ZNF804B: variants seen among roughly 807,000 people sequenced by gnomAD.
The protein encoded by ZNF804B is zinc finger 804B.
ZNF804B carries 80 observed loss-of-function variants against 101.4 expected under a neutral mutation model. The observed-to-expected ratio is 0.79, with a 90% CI of 0.66 to 0.95. The LOEUF (loss-of-function observed/expected upper bound fraction) is 0.95. Among genes scored for constraint, ZNF804B ranks in the 40% least tolerant of loss-of-function variants. The pLI, the probability that ZNF804B is intolerant of heterozygous loss-of-function variation, is 0.00. For missense variants in ZNF804B, 1,673 were observed against 1,561.9 expected (o/e 1.07, Z -1.20); for synonymous variants, 622 against 558.8 (o/e 1.11, Z -1.59).
chr7:88,814,561 C>A (rs997139960), intron 1 of ZNF804B, among the ~76,000 whole-genome samples: 5 of 151,762 alleles, frequency 3.3e-5, no homozygotes, highest in African/African-American at 4.8e-5. Flanking sequence ...TCAGTTGAGG[C>A]AACTTAGTTC....
chr7:89,175,215 T>G (rs913328664), intron 1 of ZNF804B, among the ~76,000 whole-genome samples: 1 of 152,026 alleles, frequency 6.6e-6, no homozygotes, highest in African/African-American at 2.4e-5. Flanking sequence ...TTGGAGGTCT[T>G]AATTTAAGTC....
At chr7:89,299,180 G>C (rs13312700) in intron 2 of ZNF804B, among the ~76,000 whole-genome samples, 89 of 152,128 alleles carry the variant, frequency 5.9e-4, no homozygotes, top group Non-Finnish European at 1.0e-3. Flanking sequence ...TGAGCAAACT[G>C]TCTGCTTTTC....
intron 1 of ZNF804B, among the ~76,000 whole-genome samples, chr7:88,994,359 A>G (rs1793889899): frequency 6.6e-6 from 1 of 152,048 alleles, no homozygotes; most frequent in Admixed American, 6.6e-5. Flanking sequence ...TTAAACATGC[A>G]AAGATGATGG....
chr7:88,874,039 G>C (rs1304237192), intron 1 of ZNF804B, among the ~76,000 whole-genome samples: 2 of 152,136 alleles, frequency 1.3e-5, no homozygotes, highest in African/African-American at 2.4e-5. Context: ...GGATGGCATT[G>C]AATCTGTAAA....
intron 2 of ZNF804B, among the ~76,000 whole-genome samples, chr7:89,290,191 G>T (rs1419658212): frequency 6.6e-6 from 1 of 152,100 alleles, no homozygotes; most frequent in African/African-American, 2.4e-5. Context: ...GAGCACATGG[G>T]CACGGAATAA....
At chr7:88,942,649 A>G (rs955793142) in intron 1 of ZNF804B, among the ~76,000 whole-genome samples, 13 of 151,750 alleles carry the variant, frequency 8.6e-5, no homozygotes, top group Non-Finnish European at 1.0e-4. Context: ...GAATGCATGA[A>G]TAAACAGTGA....
chr7:88,774,202 G>GTTTTTTT (rs11349793), intron 1 of ZNF804B, among the ~76,000 whole-genome samples: 1 of 134,388 alleles, frequency 7.4e-6, no homozygotes. Context: ...TGTTTTTTAA[G>GTTTTTTT]TTTTTTTTTT....
intron 1 of ZNF804B, among the ~76,000 whole-genome samples, chr7:89,167,457 A>ATAAG (rs748919066): frequency 0.16 from 24,126 of 151,086 alleles, 2,107 homozygotes; most frequent in Middle Eastern, 0.27. Flanking sequence ...AAATAAATAA[A>ATAAG]TAAATAAATA....
intron 1 of ZNF804B, chr7:88,794,672 T>A: frequency 6.2e-7 from 1 of 1,613,794 alleles, no homozygotes; most frequent in Non-Finnish European, 8.5e-7. Flanking sequence ...GTGGGATAGA[T>A]GAGCAGCAAT....
intron 1 of ZNF804B, among the ~76,000 whole-genome samples, chr7:88,853,077 G>A (rs1276944540): frequency 6.6e-6 from 1 of 152,076 alleles, no homozygotes; most frequent in Non-Finnish European, 1.5e-5. Context: ...AGGAATGAAA[G>A]GCAACATTAG....
intron 1 of ZNF804B, among the ~76,000 whole-genome samples, chr7:88,881,629 A>G (rs1011323524): frequency 6.6e-6 from 1 of 152,194 alleles, no homozygotes. Context: ...TTACAAATCC[A>G]TCCCATTGTT....
intron 1 of ZNF804B, among the ~76,000 whole-genome samples, chr7:89,006,486 A>G (rs1210241152): frequency 6.6e-6 from 1 of 152,136 alleles, no homozygotes; most frequent in African/African-American, 2.4e-5. Context: ...AAGAATGATT[A>G]TGTTTTGTTT....
chr7:88,944,624 A>G (rs554331728), intron 1 of ZNF804B, among the ~76,000 whole-genome samples: 1 of 151,868 alleles, frequency 6.6e-6, no homozygotes, highest in Non-Finnish European at 1.5e-5. Flanking sequence ...ATACAAAAAT[A>G]TTATAACAAC....
chr7:88,994,365 G>C (rs781588023), intron 1 of ZNF804B, among the ~76,000 whole-genome samples: 3 of 151,964 alleles, frequency 2.0e-5, no homozygotes, highest in East Asian at 1.9e-4. Context: ...ATGCAAAGAT[G>C]ATGGATATGC....
chr7:88,876,998 GAA>G (rs1161171786), intron 1 of ZNF804B, among the ~76,000 whole-genome samples: 724 of 53,800 alleles, frequency 0.013, 11 homozygotes, highest in East Asian at 0.024. Flanking sequence ...GAGAATATTT[GAA>G]AAAAAAAATA....
At chr7:89,264,797 A>C (rs769838860) in intron 2 of ZNF804B, among the ~76,000 whole-genome samples, 13 of 151,680 alleles carry the variant, frequency 8.6e-5, no homozygotes, top group Non-Finnish European at 1.6e-4. Context: ...TGAACATCCA[A>C]CTCTCACTGG....
At chr7:89,018,373 T>A (rs1788604716) in intron 1 of ZNF804B, among the ~76,000 whole-genome samples, 2 of 152,172 alleles carry the variant, frequency 1.3e-5, no homozygotes, top group South Asian at 4.1e-4. Context: ...CACTAGATCA[T>A]GGTTTGTGAT....
intron 1 of ZNF804B, chr7:88,794,715 AACTG>A: frequency 6.2e-7 from 1 of 1,613,630 alleles, no homozygotes; most frequent in Non-Finnish European, 8.5e-7. Flanking sequence ...GATGTTTCAA[AACTG>A]ACTGAAACAT....
At chr7:88,879,192 C>T (rs1268990011) in intron 1 of ZNF804B, among the ~76,000 whole-genome samples, 8 of 152,014 alleles carry the variant, frequency 5.3e-5, no homozygotes, top group African/African-American at 1.9e-4. Flanking sequence ...TGGAGGAGAC[C>T]TCGTTTGAGC....
Sources: gnomAD v4.1 joint callset for allele counts (sites outside exome capture counted in the v4.1 genomes callset) on GRCh38, gnomAD v4.1.1 for gene constraint, MANE v1.5 for transcripts, NCBI Gene and HGNC (gene_info 2026-07-23, HGNC 2026-07-21) for gene names.